FRMD4B: variants seen among roughly 807,000 people sequenced by gnomAD.
FRMD4B encodes the protein FERM domain-containing protein 4B.
A neutral mutation model predicts 141.5 loss-of-function variants in FRMD4B; 74 were observed. That is an observed-to-expected ratio of 0.52 (90% CI 0.43 to 0.63). The LOEUF is 0.63. FRMD4B is among the 30% of genes least tolerant of loss of function. The pLI is 0.00. For missense variants in FRMD4B, 1,366 were observed against 1,253.4 expected, an observed-to-expected ratio of 1.09 and a Z score of -1.36; for synonymous variants, 506 against 467.9, an observed-to-expected ratio of 1.08 and a Z score of -1.05.
chr3:69,412,103 G>A (rs182223960), intron 2 of FRMD4B, among the ~76,000 whole-genome samples: 1 of 152,198 alleles, frequency 6.6e-6, no homozygotes, highest in East Asian at 1.9e-4. Flanking sequence ...AACCCTAGGA[G>A]GTGGGTCCAT....
chr3:69,410,466 G>A (rs1704734543), intron 2 of FRMD4B, among the ~76,000 whole-genome samples: 3 of 151,868 alleles, frequency 2.0e-5, no homozygotes, highest in Non-Finnish European at 2.9e-5. Flanking sequence ...GTGAGTACGT[G>A]AGTGTATGTG....
chr3:69,356,511 G>A lies in FRMD4B; in HGVS notation c.162+29317C>T, dbSNP rs533685485. ...GGCTCTCCTTGCTCCTCAGCCTGCA[G>A]ACGGCCTATTGTGGGACCTTGTTAT... On this transcript the variant is annotated intron_variant, in intron 1 of 22. Coordinates refer to ENST00000398540, the MANE Select transcript of FRMD4B (RefSeq NM_015123.3). Among the ~76,000 whole-genome samples, 3 of 151,976 alleles carry A rather than the reference G, an allele frequency of 2.0e-5. No homozygotes were observed. In the South Asian group the frequency reaches 6.2e-4, roughly 32 times the overall value.
chr3:69,540,658 TATACACACAC>T (rs1176616706), intron 1 of FRMD4B, among the ~76,000 whole-genome samples: 1 of 76,898 alleles, frequency 1.3e-5, no homozygotes, highest in African/African-American at 7.1e-5. Context: ...TATATATATA[TATACACACAC>T]ACACACACAC....
In FRMD4B at chr3:69,171,793, G is replaced by A. The variant is rs147379378; in HGVS notation, c.*68C>T. 1.2e-3 allele frequency: 1,840 copies of A among 1,497,264 alleles called. 1 individual carries two copies. Among genetic ancestry groups the A allele is most frequent in the Non-Finnish European group, 1.5e-3 (1,606 of 1,084,472 alleles). The allele number at this position is 1,497,264 out of a possible 1,614,324, so 92.7% of individuals were successfully genotyped here. ...TTCTAAAACGAACATCCTCTCGGAA[G>A]ACAAATACAATTTGCAAGGCACACT... On this transcript the variant is annotated 3_prime_UTR_variant, in exon 23 of 23. Transcript: ENST00000398540.
At chr3:69,537,481 G>T (rs944852339) in intron 1 of FRMD4B, among the ~76,000 whole-genome samples, 1 of 152,132 alleles carries the variant, frequency 6.6e-6, no homozygotes, top group Non-Finnish European at 1.5e-5. Context: ...AGATTAGCAT[G>T]GCAAATTGAT....
At chr3:69,307,958 G>A (rs1010268365) in intron 3 of FRMD4B, among the ~76,000 whole-genome samples, 5 of 152,084 alleles carry the variant, frequency 3.3e-5, no homozygotes, top group African/African-American at 7.2e-5. Context: ...TACCTTGTTC[G>A]TTGCCATGTT....
At position 69,275,621 on chromosome 3, in the gene FRMD4B, T is replaced by G. The variant is rs1167728932; in HGVS notation, c.501+12131A>C. ...TAGTTTTTTTAATTTTTTGTAGAGA[T>G]AGGGTCTCTACATTGCCCGGGGTGG... is the stretch of plus-strand genomic sequence containing the variant. On this transcript the variant is annotated intron_variant, in intron 5 of 22. Coordinates refer to ENST00000398540, the MANE Select transcript of FRMD4B (RefSeq NM_015123.3). 3.9e-5 allele frequency among the ~76,000 whole-genome samples: 6 copies of G among 151,976 alleles called. No individual in the cohort carries two copies. The East Asian group carries it at 1.2e-3, about 29-fold the overall frequency.
chr3:69,507,425 T>C (rs1706615077), intron 1 of FRMD4B, among the ~76,000 whole-genome samples: 2 of 152,286 alleles, frequency 1.3e-5, no homozygotes, highest in African/African-American at 2.4e-5. Flanking sequence ...AGTCACAGTA[T>C]ATATATTGTT....
At chr3:69,190,432 T>C (rs1346355461) in intron 17 of FRMD4B, among the ~76,000 whole-genome samples, 1 of 151,340 alleles carries the variant, frequency 6.6e-6, no homozygotes, top group Non-Finnish European at 1.5e-5. Context: ...TGTTTGTTTA[T>C]GGGACAGAGT....
intron 1 of FRMD4B, among the ~76,000 whole-genome samples, chr3:69,514,577 A>G (rs1305145456): frequency 6.6e-6 from 1 of 152,024 alleles, no homozygotes; most frequent in East Asian, 1.9e-4. Flanking sequence ...TGTCCCAGCT[A>G]CTCAGGAGGC....
intron 2 of FRMD4B, among the ~76,000 whole-genome samples, chr3:69,409,367 C>T (rs550632167): frequency 2.0e-5 from 3 of 152,268 alleles, no homozygotes; most frequent in East Asian, 1.9e-4. Context: ...GATTCCTAGG[C>T]ATGGTCCCAT....
At chr3:69,370,203 G>A (rs1288730314) in intron 1 of FRMD4B, among the ~76,000 whole-genome samples, 3 of 151,334 alleles carry the variant, frequency 2.0e-5, no homozygotes, top group African/African-American at 7.3e-5. Context: ...GGAAAGACCT[G>A]AGACAGGGTC....
intron 12 of FRMD4B, 23 bp from the exon 13 acceptor site, chr3:69,197,061 C>G (rs1365946345): frequency 6.2e-7 from 1 of 1,602,508 alleles, no homozygotes; most frequent in East Asian, 2.2e-5. Flanking sequence ...AGAAAGCACT[C>G]AAATAATTCC....
chr3:69,456,474 T>G (rs566567364), intron 1 of FRMD4B, among the ~76,000 whole-genome samples: 2 of 152,072 alleles, frequency 1.3e-5, no homozygotes, highest in Non-Finnish European at 1.5e-5. Flanking sequence ...TTAAGGAAAT[T>G]AAATGCCCGT....
In FRMD4B at chr3:69,195,363, A is replaced by G. The variant is rs1460629799; in HGVS notation, c.1236T>C (p.Gly412=). The G allele has an allele frequency of 1.2e-6, 2 of 1,608,036 alleles. No individual in the cohort carries two copies. The highest frequency in any genetic ancestry group is 2.7e-5 in the African/African-American group (2 of 74,306). Residue 412 remains glycine (G), a splice_region_variant and synonymous_variant, in exon 15 of 23, where the codon GGT becomes GGC. Transcript: ENST00000398540. ...CTTCACTAACTTCTGAGTCTTGAGA[A>G]CCTAGGGGATGAGGGAAGGGCAGGG... ...MASNGSLISS[G]SQDSEVSEEQ... is the part of the protein sequence containing the mutation.
intron 1 of FRMD4B, among the ~76,000 whole-genome samples, chr3:69,448,017 A>G (rs916120404): frequency 6.6e-6 from 1 of 151,154 alleles, no homozygotes; most frequent in Non-Finnish European, 1.5e-5. Context: ...GGACATTCCA[A>G]TACAAATCTT....
At chr3:69,243,950 G>A (rs1252681284) in intron 7 of FRMD4B, among the ~76,000 whole-genome samples, 2 of 152,178 alleles carry the variant, frequency 1.3e-5, no homozygotes, top group Non-Finnish European at 2.9e-5. Context: ...GGAGGCTGAG[G>A]TAGGAGAATT....
At chr3:69,483,306 T>G (rs1321318541) in intron 1 of FRMD4B, among the ~76,000 whole-genome samples, 1 of 152,226 alleles carries the variant, frequency 6.6e-6, no homozygotes, top group African/African-American at 2.4e-5. Flanking sequence ...TTGCCAGAGA[T>G]TCTTGGATTT....
chr3:69,354,341 C>G (rs1703251166), intron 1 of FRMD4B, among the ~76,000 whole-genome samples: 1 of 151,992 alleles, frequency 6.6e-6, no homozygotes, highest in Non-Finnish European at 1.5e-5. Flanking sequence ...AATAAATTTA[C>G]TTTTTTTAAA....
Sources: allele counts gnomAD v4.1 joint callset (sites outside exome capture counted in the v4.1 genomes callset), GRCh38; gene constraint gnomAD v4.1.1; transcripts MANE v1.5; gene names NCBI Gene and HGNC (gene_info 2026-07-23, HGNC 2026-07-21).